LARGE1: variants seen among roughly 807,000 people sequenced by gnomAD.
LARGE1 encodes LARGE xylosyl- and glucuronyltransferase 1.
Under a neutral mutation model 87.6 loss-of-function variants are expected in LARGE1, and 43 were observed. The observed-to-expected ratio is 0.49, with a 90% CI of 0.38 to 0.63. The LOEUF (loss-of-function observed/expected upper bound fraction) is 0.63, where lower values mean the gene tolerates loss of function less well. LARGE1 is among the 30% of genes least tolerant of loss of function. LARGE1 has a pLI of 0.00. For missense variants in LARGE1, 802 were observed against 1,000.2 expected, an observed-to-expected ratio of 0.80 and a Z score of 2.67; for synonymous variants, 434 against 394.6, an observed-to-expected ratio of 1.10 and a Z score of -1.18.
At chr22:33,812,586 C>T (rs1192032029) in intron 1 of LARGE1, among the ~76,000 whole-genome samples, 7 of 152,212 alleles carry the variant, frequency 4.6e-5, no homozygotes, top group Admixed American at 6.5e-5. Flanking sequence ...TTTGATCCGC[C>T]GGGTTGAAGG....
intron 11 of LARGE1, among the ~76,000 whole-genome samples, chr22:33,198,747 C>T (rs79402044): frequency 0.03 from 4,594 of 151,902 alleles, 95 homozygotes; most frequent in Admixed American, 0.057. Flanking sequence ...TCCAGTCCTC[C>T]GTAGATGGAC....
chr22:33,511,436 C>T (rs932137151), intron 6 of LARGE1, among the ~76,000 whole-genome samples: 1 of 152,150 alleles, frequency 6.6e-6, no homozygotes, highest in African/African-American at 2.4e-5. Flanking sequence ...TTCAGCTTTG[C>T]ATGATAAATT....
chr22:33,100,551 T>C, the LARGE1 span, among the ~76,000 whole-genome samples: 1 of 151,994 alleles, frequency 6.6e-6, no homozygotes, highest in Admixed American at 6.6e-5. Flanking sequence ...TGCAGGAAGT[T>C]TTATTGGACT....
At chr22:33,220,778 C>T (rs945800918) in intron 11 of LARGE1, among the ~76,000 whole-genome samples, 1 of 152,242 alleles carries the variant, frequency 6.6e-6, no homozygotes, top group African/African-American at 2.4e-5. Flanking sequence ...TTTATCAGCC[C>T]ATGCTGGCTG....
chr22:33,719,711 G>A (rs1377836365), intron 2 of LARGE1, among the ~76,000 whole-genome samples: 1 of 151,848 alleles, frequency 6.6e-6, no homozygotes, highest in African/African-American at 2.4e-5. Context: ...TAGTAGAGAT[G>A]GGGTTTCACC....
At chr22:33,533,099 C>A (rs1428533325) in intron 6 of LARGE1, among the ~76,000 whole-genome samples, 6 of 152,182 alleles carry the variant, frequency 3.9e-5, no homozygotes, top group Non-Finnish European at 8.8e-5. Context: ...GGGAGTAAAA[C>A]CCAAGCTAAA....
chr22:33,589,453 A>G (rs2078773301), intron 5 of LARGE1, among the ~76,000 whole-genome samples: 1 of 151,602 alleles, frequency 6.6e-6, no homozygotes. Flanking sequence ...AATTTACCAG[A>G]GGTTTGCCAT....
At chr22:33,335,116 G>C (rs1304883256) in intron 10 of LARGE1, among the ~76,000 whole-genome samples, 4 of 152,198 alleles carry the variant, frequency 2.6e-5, no homozygotes, top group African/African-American at 9.6e-5. Flanking sequence ...CCATGGAGGG[G>C]GGAAATAAAC....
intron 11 of LARGE1, among the ~76,000 whole-genome samples, chr22:33,266,150 GAAA>G (rs111856408): frequency 7.6e-6 from 1 of 130,860 alleles, no homozygotes; most frequent in Admixed American, 7.8e-5. Context: ...ACTCAATAGG[GAAA>G]AAAAAAAAAG....
chr22:33,905,807 T>G (rs531761893), intron 1 of LARGE1, among the ~76,000 whole-genome samples: 2 of 152,292 alleles, frequency 1.3e-5, no homozygotes, highest in Non-Finnish European at 2.9e-5. Context: ...TAAGACTAGT[T>G]CTGGCTAAGA....
At chr22:33,850,249 T>C (rs1352898322) in intron 1 of LARGE1, among the ~76,000 whole-genome samples, 3 of 152,060 alleles carry the variant, frequency 2.0e-5, no homozygotes, top group Non-Finnish European at 4.4e-5. Context: ...CAAACAGGGA[T>C]TTCACCTCTT....
chr22:33,554,491 T>C (rs552911430), intron 6 of LARGE1, among the ~76,000 whole-genome samples: 91 of 152,270 alleles, frequency 6.0e-4, no homozygotes, highest in African/African-American at 1.9e-3. Context: ...GATCTAGACC[T>C]GTTTACCCCA....
intron 11 of LARGE1, among the ~76,000 whole-genome samples, chr22:33,232,054 T>G (rs556410609): frequency 6.6e-6 from 1 of 152,308 alleles, no homozygotes; most frequent in South Asian, 2.1e-4. Flanking sequence ...TCACAGCCAG[T>G]TAGCAGAGGG....
chr22:33,855,256 C>G (rs937789764), intron 1 of LARGE1, among the ~76,000 whole-genome samples: 2 of 152,140 alleles, frequency 1.3e-5, no homozygotes, highest in African/African-American at 4.8e-5. Context: ...ATGGCATGAA[C>G]CCAGGAGGCG....
the LARGE1 span, among the ~76,000 whole-genome samples, chr22:33,141,194 TCACACACA>T: frequency 4.9e-5 from 7 of 141,738 alleles, no homozygotes; most frequent in African/African-American, 1.9e-4. Context: ...TCTCTCTCTC[TCACACACA>T]CACACACACA....
chr22:33,267,761 C>A (rs558830804), downstream of LARGE1, among the ~76,000 whole-genome samples: 1 of 151,606 alleles, frequency 6.6e-6, no homozygotes. Flanking sequence ...AGTAGGGTGA[C>A]GCAGTTTTCT....
intron 1 of LARGE1, among the ~76,000 whole-genome samples, chr22:33,859,823 C>T (rs1394367318): frequency 6.6e-6 from 1 of 152,184 alleles, no homozygotes; most frequent in African/African-American, 2.4e-5. Context: ...CGACACGCTA[C>T]ACCATGTGAT....
chr22:33,801,338 A>T (rs554267045), intron 1 of LARGE1, among the ~76,000 whole-genome samples: 1 of 152,192 alleles, frequency 6.6e-6, no homozygotes, highest in East Asian at 1.9e-4. Context: ...CATTCCCACC[A>T]AAGACACAGT....
chr22:33,703,308 A>G (rs755099446), intron 2 of LARGE1, among the ~76,000 whole-genome samples: 5 of 151,446 alleles, frequency 3.3e-5, no homozygotes, highest in Non-Finnish European at 5.9e-5. Context: ...ATGTATACCT[A>G]TGCAACAAAC....
Sources: allele counts gnomAD v4.1 joint callset (sites outside exome capture counted in the v4.1 genomes callset), GRCh38; gene constraint gnomAD v4.1.1; transcripts MANE v1.5; gene names NCBI Gene and HGNC (gene_info 2026-07-23, HGNC 2026-07-21).